Variants in NUDCD1 observed in about 807,000 individuals in gnomAD.
NUDCD1 encodes the protein nudC domain-containing protein 1.
Under a neutral mutation model 67.8 loss-of-function variants are expected in NUDCD1, and 60 were observed. That is an observed-to-expected ratio of 0.88 (90% confidence interval 0.72 to 1.10). The LOEUF (loss-of-function observed/expected upper bound fraction) is 1.10. Among genes scored for constraint, NUDCD1 ranks in the 50% least tolerant of loss-of-function variants. The probability of loss-of-function intolerance (pLI) is 0.00; values close to 1 mark genes in which losing one functional copy is unlikely to be tolerated. For missense variants in NUDCD1, 643 were observed against 695.0 expected (o/e 0.93, Z 0.84); for synonymous variants, 244 against 230.8 (o/e 1.06, Z -0.52).
At chr8:109,263,953 A>C (rs1217714585) in intron 8 of NUDCD1, among the ~76,000 whole-genome samples, 2 of 152,164 alleles carry the variant, frequency 1.3e-5, no homozygotes, top group African/African-American at 4.8e-5. Flanking sequence ...ACTGTAAAGA[A>C]AAGGCCAGTT....
At chr8:109,265,692 CA>C (rs1813977442) in intron 8 of NUDCD1, among the ~76,000 whole-genome samples, 1 of 152,150 alleles carries the variant, frequency 6.6e-6, no homozygotes, top group African/African-American at 2.4e-5. Context: ...TTTTCACGGA[CA>C]AAGGCAGGGG....
intron 2 of NUDCD1, among the ~76,000 whole-genome samples, chr8:109,302,992 A>C (rs1815024613): frequency 6.6e-6 from 1 of 152,254 alleles, no homozygotes; most frequent in African/African-American, 2.4e-5. Context: ...GAGAAACCCC[A>C]GCCACATTTC....
At chr8:109,246,776 T>A (rs965817273) in intron 8 of NUDCD1, among the ~76,000 whole-genome samples, 11 of 152,152 alleles carry the variant, frequency 7.2e-5, no homozygotes, top group Non-Finnish European at 1.5e-4. Context: ...CTTATAAATA[T>A]GTAATTGATT....
In NUDCD1 at chr8:109,326,692, A is replaced by G. The variant is rs575116510; in HGVS notation, c.119-4229T>C. 1.2e-3 allele frequency among the ~76,000 whole-genome samples: 177 copies of G among 152,200 alleles called. 1 individual carries two copies. The highest frequency in any genetic ancestry group is 2.0e-3 in the Admixed American group (30 of 15,288). On this transcript the variant is annotated intron_variant, in intron 1 of 9. Transcript: ENST00000239690. ...GGCCTCAAAAGAAGAGTCTCCCTTA[A>G]CATTTGCCCAAATACTTACCGAACC...
intron 4 of NUDCD1, among the ~76,000 whole-genome samples, chr8:109,291,955 G>A (rs1814721927): frequency 6.6e-6 from 1 of 152,072 alleles, no homozygotes; most frequent in African/African-American, 2.4e-5. Context: ...AAAAATTAAG[G>A]CTTCCATTAT....
At chr8:109,270,081 GGT>G (rs1219459011) in intron 8 of NUDCD1, among the ~76,000 whole-genome samples, 1 of 31,736 alleles carries the variant, frequency 3.2e-5, no homozygotes, top group Non-Finnish European at 7.2e-5. Context: ...GGGGGGGGGG[GGT>G]GCCTTAAGGT....
At chr8:109,288,759 T>C (rs1814630334) in intron 5 of NUDCD1, among the ~76,000 whole-genome samples, 1 of 152,146 alleles carries the variant, frequency 6.6e-6, no homozygotes, top group Non-Finnish European at 1.5e-5. Context: ...ACTAATTTTT[T>C]AAAATAACTT....
At chr8:109,246,393 G>A (rs952035438) in intron 8 of NUDCD1, among the ~76,000 whole-genome samples, 26 of 152,188 alleles carry the variant, frequency 1.7e-4, no homozygotes, top group African/African-American at 6.0e-4. Context: ...GGCTTGGAGA[G>A]TTTGAGTAAC....
intron 8 of NUDCD1, among the ~76,000 whole-genome samples, chr8:109,252,119 T>G (rs189586572): frequency 4.6e-5 from 7 of 152,248 alleles, no homozygotes; most frequent in African/African-American, 1.4e-4. Flanking sequence ...TCTCTAGTGG[T>G]AGGCTGTGGT....
At chr8:109,323,075 C>T (rs1815580643) in intron 1 of NUDCD1, among the ~76,000 whole-genome samples, 1 of 152,154 alleles carries the variant, frequency 6.6e-6, no homozygotes, top group Non-Finnish European at 1.5e-5. Context: ...TAGCTGCTTC[C>T]CTAGGTTTAA....
chr8:109,329,943 T>C, intron 1 of NUDCD1: 2 of 1,493,348 alleles, frequency 1.3e-6, no homozygotes, highest in Non-Finnish European at 1.8e-6. Context: ...CTGGTTACTA[T>C]GGCAACGCAT....
rs767370933 is a variant in NUDCD1 at position 109,333,881 on chromosome 8, G to A, written c.118+12C>T. ...AAAGGAACGGAGTACGAAGGGCGCCGCCGCTTCCCACCTGCGTCAAGCTCC... is the reference window on the plus strand; with the variant it reads ...AAAGGAACGGAGTACGAAGGGCGCCACCGCTTCCCACCTGCGTCAAGCTCC... On this transcript the variant is annotated intron_variant, in intron 1 of 9. Coordinates refer to ENST00000239690, the MANE Select transcript of NUDCD1 (RefSeq NM_032869.4). The A allele has an allele frequency of 5.5e-5, 88 of 1,613,558 alleles. No homozygotes were observed. The highest frequency in any genetic ancestry group is 7.3e-5 in the Non-Finnish European group (86 of 1,179,748).
At chr8:109,304,895 A>G (rs951057402) in intron 2 of NUDCD1, among the ~76,000 whole-genome samples, 1 of 152,104 alleles carries the variant, frequency 6.6e-6, no homozygotes, top group African/African-American at 2.4e-5. Flanking sequence ...TCCACCTATC[A>G]ATCCCTTCCC....
intron 5 of NUDCD1, among the ~76,000 whole-genome samples, chr8:109,287,331 G>A (rs1294331674): frequency 6.6e-6 from 1 of 152,082 alleles, no homozygotes; most frequent in South Asian, 2.1e-4. Context: ...AAAGACACGT[G>A]TGCTAGTATG....
chr8:109,302,190 G>T (rs1586292457), intron 2 of NUDCD1, among the ~76,000 whole-genome samples: 1 of 152,186 alleles, frequency 6.6e-6, no homozygotes, highest in East Asian at 1.9e-4. Context: ...AACATCGCCT[G>T]GCCCCAATAC....
intron 8 of NUDCD1, among the ~76,000 whole-genome samples, chr8:109,264,465 A>G (rs937614027): frequency 6.6e-6 from 1 of 152,200 alleles, no homozygotes; most frequent in East Asian, 1.9e-4. Flanking sequence ...GAATAATGAA[A>G]TAGATTAGCA....
In NUDCD1 at chr8:109,242,888, TAAA is replaced by T. The variant is rs1401857230; in HGVS notation, c.*118_*120del. 1.8e-6 allele frequency: 1 copy of T among 554,942 alleles called. No homozygotes were observed. Among genetic ancestry groups the T allele is most frequent in the African/African-American group, 1.9e-5 (1 of 53,254 alleles). The allele number at this position is 554,942 out of a possible 1,614,324, so 34.4% of individuals were successfully genotyped here. A position where few individuals can be genotyped will look rare whatever the true frequency, so the allele number is the denominator to read the frequency against. ...ATATATTTCCAATGTTATTAAAAAATAAAAAATCATACAAGATATATTTAGCAC... is the reference window on the plus strand; with the variant it reads ...ATATATTTCCAATGTTATTAAAAAATAAATCATACAAGATATATTTAGCAC... On this transcript the variant is annotated 3_prime_UTR_variant, in exon 10 of 10. Transcript: ENST00000239690.
intron 2 of NUDCD1, among the ~76,000 whole-genome samples, chr8:109,311,408 AT>A (rs1346855827): frequency 5.3e-5 from 8 of 151,940 alleles, no homozygotes; most frequent in Non-Finnish European, 1.0e-4. Flanking sequence ...TGATCCAGCA[AT>A]CCCACTACTG....
At chr8:109,248,699 G>A (rs1281632065) in intron 8 of NUDCD1, among the ~76,000 whole-genome samples, 2 of 139,358 alleles carry the variant, frequency 1.4e-5, no homozygotes, top group African/African-American at 2.7e-5. Context: ...TCCCTCTATA[G>A]CTTTCCACTG....
Sources: gnomAD v4.1 joint callset for allele counts (sites outside exome capture counted in the v4.1 genomes callset) on GRCh38, gnomAD v4.1.1 for gene constraint, MANE v1.5 for transcripts, NCBI Gene and HGNC (gene_info 2026-07-23, HGNC 2026-07-21) for gene names.